SOX6: variants seen among roughly 807,000 people sequenced by gnomAD.
SOX6 encodes the protein SRY-box transcription factor 6.
In SOX6, 11 loss-of-function variants were observed where a neutral mutation model predicts 97.8. The observed-to-expected ratio is 0.11, with a 90% CI of 0.07 to 0.19. The LOEUF is 0.19. Among genes scored for constraint, SOX6 ranks in the 10% least tolerant of loss-of-function variants. The pLI is 1.00. For synonymous variants in SOX6, 360 were observed against 371.4 expected (o/e 0.97, Z 0.35); for missense variants, 810 against 1,039.5 (o/e 0.78, Z 3.04).
At position 16,605,215 on chromosome 11, in the gene SOX6, C is replaced by T. The variant is rs1346759090; in HGVS notation, n.609+6866G>A. 6.6e-6 allele frequency among the ~76,000 whole-genome samples: 1 copy of T among 151,966 alleles called. No homozygotes were observed. Among genetic ancestry groups the T allele is most frequent in the South Asian group, 2.1e-4 (1 of 4,830 alleles). On this transcript the variant is annotated intron_variant and non_coding_transcript_variant, in intron 4 of 5. Transcript: ENST00000524520. The surrounding 1 kb of genome is among the most constrained non-coding windows in gnomAD (Gnocchi z 5.3). ...GCAGGGCGCCGAGAAGGACGGAGGGCGCCGGCTGGGCTCAGGGACGCGGGG... is the reference window on the plus strand; with the variant it reads ...GCAGGGCGCCGAGAAGGACGGAGGGTGCCGGCTGGGCTCAGGGACGCGGGG...
intron 3 of SOX6, among the ~76,000 whole-genome samples, chr11:16,697,657 G>GTAA (rs1848064121): frequency 6.6e-6 from 1 of 152,154 alleles, no homozygotes; most frequent in Non-Finnish European, 1.5e-5. Context: ...ATCCATTAAA[G>GTAA]GATCACTATG....
At chr11:16,673,955 C>T (rs1039817690) in intron 3 of SOX6, among the ~76,000 whole-genome samples, 1 of 151,846 alleles carries the variant, frequency 6.6e-6, no homozygotes, top group Middle Eastern at 3.2e-3. Flanking sequence ...TTTGGGAGGC[C>T]GAGGCAGGCG....
chr11:16,726,434 C>A (rs1848307045), intron 2 of SOX6, among the ~76,000 whole-genome samples: 1 of 152,048 alleles, frequency 6.6e-6, no homozygotes, highest in South Asian at 2.1e-4. Context: ...TAAATAAATA[C>A]AATCAATAGT....
chr11:16,422,170 G>A (rs1859032700), intron 1 of SOX6, among the ~76,000 whole-genome samples: 1 of 152,020 alleles, frequency 6.6e-6, no homozygotes, highest in African/African-American at 2.4e-5. Flanking sequence ...AATAAGCCTG[G>A]GTACATTGAA....
intron 3 of SOX6, among the ~76,000 whole-genome samples, chr11:16,652,300 C>A (rs1171413403): frequency 6.6e-6 from 1 of 152,016 alleles, no homozygotes; most frequent in Non-Finnish European, 1.5e-5. Flanking sequence ...CCTTGCATAG[C>A]CAAAGTAATA....
chr11:16,097,107 A>G (rs1465418299), intron 8 of SOX6, among the ~76,000 whole-genome samples: 1 of 151,852 alleles, frequency 6.6e-6, no homozygotes. Context: ...CCATGCCCTG[A>G]CTTTTGACCC....
At chr11:16,661,322 T>C (rs1847764011) in intron 3 of SOX6, among the ~76,000 whole-genome samples, 1 of 152,208 alleles carries the variant, frequency 6.6e-6, no homozygotes, top group African/African-American at 2.4e-5. Context: ...ACTTTTAATT[T>C]TTCTGTGTCT....
At chr11:16,346,702 C>A (rs1856785959) in intron 1 of SOX6, among the ~76,000 whole-genome samples, 1 of 152,034 alleles carries the variant, frequency 6.6e-6, no homozygotes, top group South Asian at 2.1e-4. Flanking sequence ...TTTGTAGCAG[C>A]ACTTTCAGAA....
intron 1 of SOX6, among the ~76,000 whole-genome samples, chr11:16,419,375 T>A (rs1020275888): frequency 7.9e-5 from 12 of 152,122 alleles, no homozygotes. Context: ...CTTTTCCATA[T>A]AAACTAGTAA....
At chr11:16,334,581 C>T (rs1272570244) in intron 2 of SOX6, among the ~76,000 whole-genome samples, 2 of 152,044 alleles carry the variant, frequency 1.3e-5, no homozygotes, top group Admixed American at 6.5e-5. Context: ...GCACGCACCA[C>T]CACGTCTGGC....
At chr11:16,521,716 A>T (rs573115801) in intron 4 of SOX6, among the ~76,000 whole-genome samples, 6 of 152,310 alleles carry the variant, frequency 3.9e-5, no homozygotes, top group Admixed American at 3.9e-4. Context: ...AAGGCAAAGA[A>T]GTTAAAAACT....
At chr11:16,544,598 G>A (rs1847594796) in intron 4 of SOX6, among the ~76,000 whole-genome samples, 2 of 152,042 alleles carry the variant, frequency 1.3e-5, no homozygotes, top group Admixed American at 1.3e-4. Flanking sequence ...AAATTATTTG[G>A]AACTAGACAC....
intron 9 of SOX6, among the ~76,000 whole-genome samples, chr11:16,069,467 C>T (rs922216116): frequency 1.3e-5 from 2 of 152,080 alleles, no homozygotes; most frequent in African/African-American, 4.8e-5. Flanking sequence ...TTTTTTTCTA[C>T]CATTATCCTT....
intron 4 of SOX6, among the ~76,000 whole-genome samples, chr11:16,189,715 G>A (rs1045205384): frequency 3.3e-5 from 5 of 152,094 alleles, no homozygotes; most frequent in African/African-American, 1.2e-4. Flanking sequence ...TGAGATAAAT[G>A]GGATGTATAC....
At chr11:16,425,752 A>G (rs111438657) in intron 1 of SOX6, among the ~76,000 whole-genome samples, 2 of 152,156 alleles carry the variant, frequency 1.3e-5, no homozygotes, top group African/African-American at 2.4e-5. Context: ...GAAAACAGCT[A>G]ACTAGGAAGG....
intron 3 of SOX6, among the ~76,000 whole-genome samples, chr11:16,253,767 G>A (rs1853592255): frequency 1.3e-5 from 2 of 151,944 alleles, no homozygotes; most frequent in South Asian, 2.1e-4. Context: ...ATACCAGAAG[G>A]AAAAGAAAAA....
Position 16,176,073 on chromosome 11 carries a change from ATG to A in SOX6, c.777+7811_777+7812del, listed in dbSNP as rs1254570557. ...GATGGACGGACAGACGGACGGACGG[ATG>A]GATGGATGGATGGATGGATGGATGG... On this transcript the variant is annotated intron_variant, in intron 6 of 15. Coordinates refer to ENST00000683767, the MANE Select transcript of SOX6 (RefSeq NM_001367873.1). 3.7e-4 allele frequency among the ~76,000 whole-genome samples: 15 copies of A among 40,386 alleles called. No individual in the cohort carries two copies. In the East Asian group the frequency reaches 5.7e-3, roughly 15 times the overall value. 26.5% of individuals were successfully genotyped at this position (40,386 alleles called of 152,430 possible).
In SOX6 at chr11:16,514,821, T is replaced by A. The variant is rs1221602390; in HGVS notation, n.610-38433A>T. 7.3e-5 allele frequency among the ~76,000 whole-genome samples: 11 copies of A among 151,494 alleles called. No homozygotes were observed. The East Asian group carries it at 1.6e-3, about 21-fold the overall frequency. ...GTTTGGCTTTTTGTGCTTGCGATAG[T>A]TTACTGAGAATGATGATTTCCAATT... On this transcript the variant is annotated intron_variant and non_coding_transcript_variant, in intron 4 of 5. Coordinates refer to the SOX6 transcript ENST00000524520.
intron 1 of SOX6, among the ~76,000 whole-genome samples, chr11:16,738,040 A>G (rs1272733154): frequency 1.3e-5 from 2 of 152,014 alleles, no homozygotes; most frequent in African/African-American, 4.8e-5. Flanking sequence ...GCCATATGAA[A>G]ACTTAACAGA....
Sources: allele counts gnomAD v4.1 joint callset (sites outside exome capture counted in the v4.1 genomes callset), GRCh38; gene constraint gnomAD v4.1.1; non-coding constraint Gnocchi (gnomAD v3.1); transcripts MANE v1.5; gene names NCBI Gene and HGNC (gene_info 2026-07-23, HGNC 2026-07-21).